CR1L: variants seen among roughly 807,000 people sequenced by gnomAD.
CR1L encodes complement C3b/C4b receptor 1 like.
In CR1L, 59 loss-of-function variants were observed where a neutral mutation model predicts 62.3. The observed-to-expected ratio is 0.95, with a 90% CI of 0.77 to 1.18. The LOEUF is 1.18. Among genes scored for constraint, CR1L ranks in the 50% most tolerant of loss-of-function variants. CR1L has a pLI of 0.00. For missense variants in CR1L, 700 were observed against 702.8 expected, an observed-to-expected ratio of 1.00 and a Z score of 0.04; for synonymous variants, 279 against 248.7, an observed-to-expected ratio of 1.12 and a Z score of -1.15.
At chr1:207,719,474 C>G (rs1654083141) in intron 11 of CR1L, among the ~76,000 whole-genome samples, 1 of 152,110 alleles carries the variant, frequency 6.6e-6, no homozygotes. Context: ...AATACCAGCA[C>G]TTTGGGAGGC....
At chr1:207,697,374 T>C (rs1571526294) in intron 5 of CR1L, 129 bp from the exon 6 acceptor site, 5 of 1,568,272 alleles carry the variant, frequency 3.2e-6, no homozygotes, top group Non-Finnish European at 4.3e-6. Flanking sequence ...TTGTTATCAA[T>C]GTAATAAGGC....
intron 8 of CR1L, among the ~76,000 whole-genome samples, chr1:207,700,330 T>G (rs1664171563): frequency 6.6e-6 from 1 of 152,224 alleles, no homozygotes; most frequent in African/African-American, 2.4e-5. Flanking sequence ...CAAATGTCTG[T>G]TCTACTATCA....
chr1:207,659,446 CTTG>C (rs969111410), intron 1 of CR1L, among the ~76,000 whole-genome samples: 1 of 152,200 alleles, frequency 6.6e-6, no homozygotes, highest in Middle Eastern at 3.2e-3. Flanking sequence ...CTGCAGCAAT[CTTG>C]TTTAAATTTA....
chr1:207,664,904 G>A (rs548936119), intron 1 of CR1L, among the ~76,000 whole-genome samples: 45 of 152,158 alleles, frequency 3.0e-4, no homozygotes, highest in Non-Finnish European at 4.3e-4. Context: ...AGTCCTAAGC[G>A]GAAAAGAGGA....
chr1:207,695,453 GCCTT>G (rs1664062825), intron 5 of CR1L, among the ~76,000 whole-genome samples: 1 of 152,108 alleles, frequency 6.6e-6, no homozygotes, highest in Admixed American at 6.6e-5. Context: ...GAGAAAATGT[GCCTT>G]AGAGAAATCG....
Position 207,677,288 on chromosome 1 carries a change from A to T in CR1L, c.98-101A>T, listed in dbSNP as rs1013572378. The T allele has an allele frequency of 2.0e-5, 23 of 1,157,410 alleles. No individual in the cohort carries two copies. In the African/African-American group the frequency reaches 3.3e-4, roughly 17 times the overall value. The allele number at this position is 1,157,410 out of a possible 1,614,324, so 71.7% of individuals were successfully genotyped here. On this transcript the variant is annotated intron_variant, in intron 1 of 11. Transcript: ENST00000508064. Reference sequence around the variant, plus strand: ...GCACCACTGCACTCCAGCCTGGGTGACAGAGGGAGACTCTGTCACAAAAAA... The same window carrying T: ...GCACCACTGCACTCCAGCCTGGGTGTCAGAGGGAGACTCTGTCACAAAAAA...
intron 5 of CR1L, 84 bp from the exon 6 acceptor site, chr1:207,697,419 T>G: frequency 6.2e-7 from 1 of 1,610,248 alleles, no homozygotes; most frequent in Non-Finnish European, 8.5e-7. Flanking sequence ...TATAGATTTG[T>G]AATTATTATT....
intron 10 of CR1L, 135 bp from the exon 11 acceptor site, chr1:207,717,329 A>T: frequency 9.6e-7 from 1 of 1,038,302 alleles, no homozygotes; most frequent in Non-Finnish European, 1.4e-6. Flanking sequence ...TTACAGATTT[A>T]AATTCCATCC....
chr1:207,656,082 CA>C (rs1335046266), intron 1 of CR1L, among the ~76,000 whole-genome samples: 2 of 152,196 alleles, frequency 1.3e-5, no homozygotes, highest in Admixed American at 1.3e-4. Flanking sequence ...ACTAAAAATA[CA>C]AAAAATTAGC....
chr1:207,665,279 C>T (rs572752294), intron 1 of CR1L, among the ~76,000 whole-genome samples: 1 of 152,232 alleles, frequency 6.6e-6, no homozygotes, highest in Non-Finnish European at 1.5e-5. Context: ...TGATCTTGAT[C>T]TCCTGACCTT....
intron 1 of CR1L, among the ~76,000 whole-genome samples, chr1:207,668,798 A>G (rs1663563308): frequency 6.6e-6 from 1 of 150,720 alleles, no homozygotes; most frequent in Non-Finnish European, 1.5e-5. Context: ...CCACCATCAA[A>G]CCTCACTTGG....
At chr1:207,675,497 G>A (rs982447987) in intron 1 of CR1L, among the ~76,000 whole-genome samples, 5 of 152,204 alleles carry the variant, frequency 3.3e-5, no homozygotes, top group African/African-American at 1.2e-4. Flanking sequence ...GGGGAAAAAT[G>A]TGTGTCTTCA....
intron 11 of CR1L, 116 bp from the exon 12 acceptor site, chr1:207,723,502 A>T (rs1571542444): frequency 1.2e-6 from 1 of 840,820 alleles, no homozygotes; most frequent in East Asian, 2.8e-5. Flanking sequence ...TTTTTATAAA[A>T]AATATTAGTC....
chr1:207,710,981 C>T (rs1383774114), intron 10 of CR1L, among the ~76,000 whole-genome samples: 1 of 152,142 alleles, frequency 6.6e-6, no homozygotes, highest in East Asian at 1.9e-4. Context: ...AAAAGCAAGA[C>T]CTTAATTAGC....
chr1:207,723,328 G>T (rs1413553869), intron 11 of CR1L, among the ~76,000 whole-genome samples: 2 of 151,806 alleles, frequency 1.3e-5, no homozygotes, highest in South Asian at 2.1e-4. Flanking sequence ...TACACAGGAG[G>T]CTGAGGCACG....
intron 1 of CR1L, among the ~76,000 whole-genome samples, chr1:207,663,858 T>C (rs1354063198): frequency 6.6e-6 from 1 of 152,214 alleles, no homozygotes; most frequent in Non-Finnish European, 1.5e-5. Context: ...TTTTCTGGAG[T>C]GCAACCAGTT....
intron 5 of CR1L, among the ~76,000 whole-genome samples, chr1:207,695,746 T>G (rs1664068347): frequency 6.6e-6 from 1 of 152,172 alleles, no homozygotes; most frequent in South Asian, 2.1e-4. Context: ...TCAGGAAACT[T>G]ACAATCATGG....
At chr1:207,693,612 C>T (rs1411292373) in intron 4 of CR1L, among the ~76,000 whole-genome samples, 2 of 152,066 alleles carry the variant, frequency 1.3e-5, no homozygotes, top group South Asian at 2.1e-4. Flanking sequence ...AATATATGAC[C>T]ACTTTTACAC....
chr1:207,667,966 G>T (rs1424953083), intron 1 of CR1L, among the ~76,000 whole-genome samples: 1 of 151,120 alleles, frequency 6.6e-6, no homozygotes, highest in East Asian at 1.9e-4. Flanking sequence ...AAACCAGAGA[G>T]AGATATCACC....
Sources: allele counts gnomAD v4.1 joint callset (sites outside exome capture counted in the v4.1 genomes callset), GRCh38; gene constraint gnomAD v4.1.1; transcripts MANE v1.5; gene names NCBI Gene and HGNC (gene_info 2026-07-23, HGNC 2026-07-21).